Variants in SOX5 observed in about 807,000 individuals in gnomAD.
The protein encoded by SOX5 is transcription factor SOX-5.
Under a neutral mutation model 92.0 loss-of-function variants are expected in SOX5, and 9 were observed. The ratio of observed to expected loss-of-function variants is 0.10; its 90% CI spans 0.06 to 0.17. The LOEUF is 0.17. Ranked by LOEUF, SOX5 falls within the 10% of genes least tolerant of loss-of-function variation. The pLI is 1.00. For missense variants in SOX5, 642 were observed against 944.5 expected (o/e 0.68, Z 4.20); for synonymous variants, 344 against 336.3 (o/e 1.02, Z -0.25).
intron 2 of SOX5, among the ~76,000 whole-genome samples, chr12:24,303,522 G>T (rs903079331): frequency 2.0e-5 from 3 of 152,110 alleles, no homozygotes; most frequent in African/African-American, 7.2e-5. Flanking sequence ...TTTAAGTTTA[G>T]ATTTCCTTTA....
chr12:23,949,619 T>C lies in SOX5; in HGVS notation c.-18A>G, dbSNP rs201853706. 1.4e-5 allele frequency: 22 copies of C among 1,613,610 alleles called. No homozygotes were observed. In the East Asian group the frequency reaches 4.9e-4, roughly 36 times the overall value. On this transcript the variant is annotated 5_prime_UTR_variant, in exon 1 of 15. Transcript: ENST00000451604. ...GTAAGCATGCTGGAAAAGCACAATT[T>C]CCCTTTGTCACAGCAGCCACCTATG... is the stretch of plus-strand genomic sequence containing the variant.
intron 1 of SOX5, among the ~76,000 whole-genome samples, chr12:24,528,170 G>T (rs893883790): frequency 6.6e-6 from 1 of 152,138 alleles, no homozygotes. Flanking sequence ...AGGGGACATC[G>T]CATAGTCACG....
chr12:23,747,759 G>C (rs2094039321), intron 4 of SOX5, among the ~76,000 whole-genome samples: 1 of 151,964 alleles, frequency 6.6e-6, no homozygotes. Flanking sequence ...GCCCCGAAAT[G>C]CCTCCAGACA....
At chr12:24,174,014 T>C (rs1482795888) in intron 4 of SOX5, among the ~76,000 whole-genome samples, 4 of 151,884 alleles carry the variant, frequency 2.6e-5, no homozygotes, top group Non-Finnish European at 4.4e-5. Context: ...TGTTTTTTTT[T>C]TCTGAGACAG....
intron 1 of SOX5, among the ~76,000 whole-genome samples, chr12:23,937,450 GC>G (rs957447514): frequency 1.3e-5 from 2 of 150,838 alleles, no homozygotes; most frequent in Non-Finnish European, 3.0e-5. Flanking sequence ...AAACAGTACT[GC>G]TCTGATTTAA....
intron 2 of SOX5, among the ~76,000 whole-genome samples, chr12:24,308,763 A>G (rs1274012437): frequency 6.6e-6 from 1 of 152,250 alleles, no homozygotes; most frequent in Non-Finnish European, 1.5e-5. Context: ...CAAAGTAAAT[A>G]TAAGTTGATG....
chr12:23,909,310 G>A (rs1189410984), intron 1 of SOX5, among the ~76,000 whole-genome samples: 3 of 152,146 alleles, frequency 2.0e-5, no homozygotes, highest in African/African-American at 4.8e-5. Flanking sequence ...CAATGGAGGT[G>A]TTTTCTGAAA....
At position 24,331,848 on chromosome 12, in the gene SOX5, C is replaced by CAAAAAAAAA. The variant is rs10627494; in HGVS notation, c.-174+36706_-174+36714dup. Among the ~76,000 whole-genome samples the CAAAAAAAAA allele has an allele frequency of 2.5e-3, 79 of 31,658 alleles. 1 individual carries two copies. The highest frequency in any genetic ancestry group is 3.0e-3 in the Non-Finnish European group (57 of 19,204). 20.8% of individuals were successfully genotyped at this position (31,658 alleles called of 152,430 possible). On this transcript the variant is annotated intron_variant, in intron 2 of 4. Transcript: ENST00000446891. ...GCCTGGGAACAGAGCAAGACTGTCT[C>CAAAAAAAAA]AAAAAAAAAAAAAAAAAAAAAAAAA... is the stretch of plus-strand genomic sequence containing the variant.
intron 4 of SOX5, among the ~76,000 whole-genome samples, chr12:24,166,491 G>A (rs536017996): frequency 2.0e-4 from 31 of 152,212 alleles, no homozygotes; most frequent in African/African-American, 6.5e-4. Context: ...GAGAGAGAGC[G>A]AGCATTAAAA....
chr12:23,927,694 AT>A (rs1940358008), intron 1 of SOX5, among the ~76,000 whole-genome samples: 2 of 152,080 alleles, frequency 1.3e-5, no homozygotes, highest in South Asian at 4.1e-4. Context: ...AGAAACTACA[AT>A]GTTAAAATCC....
intron 4 of SOX5, among the ~76,000 whole-genome samples, chr12:24,195,473 G>GT (rs1254012068): frequency 1.3e-5 from 2 of 152,124 alleles, no homozygotes; most frequent in East Asian, 3.8e-4. Flanking sequence ...TTAGGCAAAA[G>GT]TTTTTTTGTA....
intron 8 of SOX5, among the ~76,000 whole-genome samples, chr12:23,627,064 T>C (rs1368776580): frequency 6.6e-6 from 1 of 152,174 alleles, no homozygotes; most frequent in Non-Finnish European, 1.5e-5. Context: ...AATGCCCTAA[T>C]TATTCATTCT....
intron 1 of SOX5, among the ~76,000 whole-genome samples, chr12:24,524,113 G>C (rs969998674): frequency 6.6e-6 from 1 of 152,240 alleles, no homozygotes; most frequent in Admixed American, 6.5e-5. Context: ...TCAGTGGACA[G>C]AGTGGGGAAG....
At chr12:24,560,809 G>A (rs1161929263) in intron 1 of SOX5, among the ~76,000 whole-genome samples, 1 of 152,124 alleles carries the variant, frequency 6.6e-6, no homozygotes, top group Admixed American at 6.5e-5. Context: ...CCTCACTCCC[G>A]TAATCCTGAT....
chr12:24,359,498 A>G (rs893183868), intron 2 of SOX5, among the ~76,000 whole-genome samples: 1 of 152,204 alleles, frequency 6.6e-6, no homozygotes, highest in Admixed American at 6.5e-5. Flanking sequence ...TACAAGGGGC[A>G]CTAAAGAAAA....
intron 4 of SOX5, among the ~76,000 whole-genome samples, chr12:24,117,321 G>A (rs571604737): frequency 1.3e-5 from 2 of 152,302 alleles, no homozygotes; most frequent in Admixed American, 6.5e-5. Flanking sequence ...AAGTGTTGGT[G>A]AGGAATTGGG....
intron 3 of SOX5, among the ~76,000 whole-genome samples, chr12:24,251,856 G>GCTA (rs1434959027): frequency 6.6e-6 from 1 of 151,926 alleles, no homozygotes; most frequent in Non-Finnish European, 1.5e-5. Context: ...ACAGGCATGA[G>GCTA]CTACTGTGCC....
intron 3 of SOX5, among the ~76,000 whole-genome samples, chr12:23,798,969 T>G (rs1202621529): frequency 6.6e-6 from 1 of 151,934 alleles, no homozygotes; most frequent in Non-Finnish European, 1.5e-5. Flanking sequence ...CATTATTAAT[T>G]TAAAAACCAA....
intron 3 of SOX5, among the ~76,000 whole-genome samples, chr12:23,774,555 T>A (rs976964067): frequency 1.3e-5 from 2 of 152,194 alleles, no homozygotes. Context: ...AATACATGTA[T>A]AAAATAGTAA....
Sources: allele counts gnomAD v4.1 joint callset (sites outside exome capture counted in the v4.1 genomes callset), GRCh38; gene constraint gnomAD v4.1.1; transcripts MANE v1.5; gene names NCBI Gene and HGNC (gene_info 2026-07-23, HGNC 2026-07-21).